The following NEGR1 variants were observed in gnomAD, a reference collection of about 807,000 sequenced individuals.
NEGR1 encodes the protein neuronal growth regulator 1, also known as IgLON family member 4.
Under a neutral mutation model 40.9 loss-of-function variants are expected in NEGR1, and 10 were observed. The ratio of observed to expected loss-of-function variants is 0.24; its 90% CI spans 0.15 to 0.42. The LOEUF (loss-of-function observed/expected upper bound fraction) is 0.42. Among genes scored for constraint, NEGR1 ranks in the 10% least tolerant of loss-of-function variants. The probability of loss-of-function intolerance (pLI) is 1.00; values close to 1 mark genes in which losing one functional copy is unlikely to be tolerated. For missense variants in NEGR1, 352 were observed against 438.9 expected (o/e 0.80, Z 1.77); for synonymous variants, 185 against 166.8 (o/e 1.11, Z -0.84).
At chr1:71,675,163 AAGC>A (rs1350705348) in intron 4 of NEGR1, among the ~76,000 whole-genome samples, 1 of 141,544 alleles carries the variant, frequency 7.1e-6, no homozygotes, top group Non-Finnish European at 1.5e-5. Context: ...GCAATATTTA[AAGC>A]AGGTGTTAGC....
rs1655976286 is a variant in NEGR1, at chr1:72,274,669, A to G, written c.176+7650T>C. 3.3e-6 allele frequency: 3 copies of G among 900,650 alleles called. No homozygotes were observed. In the East Asian group the frequency reaches 7.2e-5, roughly 22 times the overall value. The allele number at this position is 900,650 out of a possible 1,614,324, so 55.8% of individuals were successfully genotyped here. A position where few individuals can be genotyped will look rare whatever the true frequency, so the allele number is the denominator to read the frequency against. The stretch of plus-strand genomic sequence containing the variant: ...AAGGCTAAGTGCTATTTATGGAGGT[A>G]CCTATATGCTGAAAAAACCCATTGA... On this transcript the variant is annotated intron_variant, in intron 1 of 6. Coordinates refer to ENST00000357731, the MANE Select transcript of NEGR1 (RefSeq NM_173808.3).
chr1:71,513,081 A>G (rs887355973), intron 6 of NEGR1, among the ~76,000 whole-genome samples: 1 of 152,220 alleles, frequency 6.6e-6, no homozygotes, highest in African/African-American at 2.4e-5. Context: ...GTTTATGGAT[A>G]CAATTATAGA....
At chr1:72,251,508 G>A (rs1002568785) in intron 1 of NEGR1, among the ~76,000 whole-genome samples, 4 of 152,098 alleles carry the variant, frequency 2.6e-5, no homozygotes, top group African/African-American at 9.7e-5. Context: ...AGCAAAATCT[G>A]ATGCTCAAGT....
At chr1:72,182,774 G>A (rs12097919) in intron 1 of NEGR1, among the ~76,000 whole-genome samples, 5,789 of 73,530 alleles carry the variant, frequency 0.079, 357 homozygotes, top group African/African-American at 0.27. Context: ...CTGTGTGTGC[G>A]TGTGTATATA....
At chr1:72,086,678 T>C (rs1462778854) in intron 1 of NEGR1, among the ~76,000 whole-genome samples, 1 of 152,210 alleles carries the variant, frequency 6.6e-6, no homozygotes, top group East Asian at 1.9e-4. Flanking sequence ...TTATAATAAG[T>C]GTTGTTCCGG....
At chr1:71,584,463 A>G (rs1292231145) in intron 6 of NEGR1, among the ~76,000 whole-genome samples, 1 of 152,200 alleles carries the variant, frequency 6.6e-6, no homozygotes, top group African/African-American at 2.4e-5. Flanking sequence ...AGGAAGTTTA[A>G]TCATAATGAT....
At chr1:72,090,650 C>T (rs1315163395) in intron 1 of NEGR1, among the ~76,000 whole-genome samples, 1 of 152,000 alleles carries the variant, frequency 6.6e-6, no homozygotes, top group African/African-American at 2.4e-5. Flanking sequence ...AGCAAGTTTC[C>T]TCACTGAACA....
intron 2 of NEGR1, among the ~76,000 whole-genome samples, chr1:71,934,801 T>A (rs936822497): frequency 5.3e-5 from 8 of 152,126 alleles, no homozygotes; most frequent in African/African-American, 1.9e-4. Context: ...ACTACAATAC[T>A]TGCATACCTT....
intron 1 of NEGR1, among the ~76,000 whole-genome samples, chr1:72,225,184 C>G (rs1247016579): frequency 6.6e-6 from 1 of 151,812 alleles, no homozygotes; most frequent in East Asian, 1.9e-4. Flanking sequence ...TATCATATAG[C>G]CCAGAGAATC....
chr1:71,780,992 A>G (rs746127989), intron 2 of NEGR1, among the ~76,000 whole-genome samples: 1 of 152,204 alleles, frequency 6.6e-6, no homozygotes, highest in Non-Finnish European at 1.5e-5. Context: ...ATTTTGGATT[A>G]TTCTCCACTG....
In NEGR1 at chr1:71,788,121, G is replaced by A. The variant is rs79633035; in HGVS notation, c.410-11824C>T. 4.1e-3 allele frequency among the ~76,000 whole-genome samples: 624 copies of A among 151,904 alleles called. 4 individuals are homozygous for A. The highest frequency in any genetic ancestry group is 0.014 in the African/African-American group (592 of 41,448). ...ATAATTATCATCTATATTTTTTAACGTCCATGTTACCTTATCTACTTTTCT... is the reference window on the plus strand; with the variant it reads ...ATAATTATCATCTATATTTTTTAACATCCATGTTACCTTATCTACTTTTCT... On this transcript the variant is annotated intron_variant, in intron 2 of 6. Transcript: ENST00000357731.
intron 6 of NEGR1, among the ~76,000 whole-genome samples, chr1:71,562,859 C>T (rs1182558065): frequency 6.6e-6 from 1 of 151,924 alleles, no homozygotes; most frequent in Admixed American, 6.6e-5. Context: ...CATTCTAGGA[C>T]CAGATTCATA....
chr1:71,680,407 G>T (rs896871498), intron 4 of NEGR1, among the ~76,000 whole-genome samples: 2 of 151,820 alleles, frequency 1.3e-5, no homozygotes, highest in African/African-American at 4.8e-5. Context: ...TGTTATTAAG[G>T]ACAACCTCTT....
At chr1:71,436,773 C>T (rs979283889) in intron 6 of NEGR1, among the ~76,000 whole-genome samples, 1 of 152,126 alleles carries the variant, frequency 6.6e-6, no homozygotes, top group Non-Finnish European at 1.5e-5. Context: ...TGATGATCCA[C>T]TTCCACTAAT....
chr1:72,267,496 C>T (rs1570200922), intron 1 of NEGR1, among the ~76,000 whole-genome samples: 1 of 151,154 alleles, frequency 6.6e-6, no homozygotes, highest in East Asian at 1.9e-4. Flanking sequence ...CAGATATTGT[C>T]TGTAAGAAAA....
chr1:71,769,407 G>T (rs918821791), intron 3 of NEGR1, among the ~76,000 whole-genome samples: 3 of 152,058 alleles, frequency 2.0e-5, no homozygotes, highest in African/African-American at 7.2e-5. Flanking sequence ...ATTCTATCTG[G>T]TTAATATGAC....
intron 1 of NEGR1, among the ~76,000 whole-genome samples, chr1:72,111,770 G>A (rs1366529313): frequency 6.6e-6 from 1 of 151,744 alleles, no homozygotes; most frequent in Non-Finnish European, 1.5e-5. Flanking sequence ...GAGATTTACC[G>A]ACTTTGCAAC....
At chr1:71,477,231 G>T (rs1646827440) in intron 6 of NEGR1, 1 of 152,112 alleles carries the variant, frequency 6.6e-6, no homozygotes, top group Non-Finnish European at 1.5e-5. Context: ...ATATTTCAAA[G>T]ACTACTTTTA....
intron 1 of NEGR1, among the ~76,000 whole-genome samples, chr1:72,220,914 G>GTTTTTTT (rs3082236): frequency 7.1e-6 from 1 of 140,790 alleles, no homozygotes; most frequent in Non-Finnish European, 1.5e-5. Context: ...CCTACCTAAA[G>GTTTTTTT]TTTTTTTTTT....
Sources: gnomAD v4.1 joint callset for allele counts (sites outside exome capture counted in the v4.1 genomes callset) on GRCh38, gnomAD v4.1.1 for gene constraint, MANE v1.5 for transcripts, NCBI Gene and HGNC (gene_info 2026-07-23, HGNC 2026-07-21) for gene names.